ANO2: variants seen among roughly 807,000 people sequenced by gnomAD.
The protein encoded by ANO2 is anoctamin 2, also known as anoctamin-2.
In ANO2, 101 loss-of-function variants were observed where a neutral mutation model predicts 124.2. The ratio of observed to expected loss-of-function variants is 0.81; its 90% CI spans 0.69 to 0.96. The LOEUF (loss-of-function observed/expected upper bound fraction) is 0.96. Among genes scored for constraint, ANO2 ranks in the 40% least tolerant of loss-of-function variants. The probability of loss-of-function intolerance (pLI) is 0.00; values close to 1 mark genes in which losing one functional copy is unlikely to be tolerated. For synonymous variants in ANO2, 486 were observed against 482.5 expected, an observed-to-expected ratio of 1.01 and a Z score of -0.09; for missense variants, 1,293 against 1,274.5, an observed-to-expected ratio of 1.01 and a Z score of -0.22.
intron 16 of ANO2, among the ~76,000 whole-genome samples, chr12:5,624,570 C>T (rs1046773336): frequency 2.0e-5 from 3 of 152,160 alleles, no homozygotes; most frequent in Non-Finnish European, 4.4e-5. Flanking sequence ...CATGTCTTCC[C>T]AGAGGAAAAC....
intron 10 of ANO2, among the ~76,000 whole-genome samples, chr12:5,772,416 C>T (rs1197795947): frequency 2.0e-5 from 3 of 152,196 alleles, no homozygotes; most frequent in Non-Finnish European, 2.9e-5. Flanking sequence ...TCTCTTTCAG[C>T]TTATCTTTTG....
chr12:5,814,894 A>G (rs1158083859), intron 7 of ANO2, among the ~76,000 whole-genome samples: 1 of 152,272 alleles, frequency 6.6e-6, no homozygotes, highest in Non-Finnish European at 1.5e-5. Context: ...AGCTGTGTGT[A>G]TGCCAGTTAA....
intron 20 of ANO2, among the ~76,000 whole-genome samples, chr12:5,591,594 T>C (rs1264264144): frequency 6.6e-6 from 1 of 152,166 alleles, no homozygotes; most frequent in Non-Finnish European, 1.5e-5. Flanking sequence ...AGGTAGAGGA[T>C]TGAGAGAAGG....
chr12:5,627,142 C>G (rs76117218), intron 16 of ANO2, among the ~76,000 whole-genome samples: 4,524 of 151,700 alleles, frequency 0.03, 199 homozygotes, highest in African/African-American at 0.098. Flanking sequence ...TATAACCGTA[C>G]TCACATCGTT....
chr12:5,805,421 G>A (rs1953161243), intron 9 of ANO2, among the ~76,000 whole-genome samples: 1 of 152,066 alleles, frequency 6.6e-6, no homozygotes, highest in Non-Finnish European at 1.5e-5. Context: ...TGAAGAGGTG[G>A]GGCCATTTTC....
At chr12:5,914,371 C>T (rs1490736332) in intron 3 of ANO2, among the ~76,000 whole-genome samples, 1 of 152,128 alleles carries the variant, frequency 6.6e-6, no homozygotes, top group Non-Finnish European at 1.5e-5. Flanking sequence ...GCCAGACCTA[C>T]AGGGTGAGGA....
At chr12:5,617,953 G>A (rs1944914163) in intron 16 of ANO2, among the ~76,000 whole-genome samples, 1 of 152,192 alleles carries the variant, frequency 6.6e-6, no homozygotes, top group African/African-American at 2.4e-5. Flanking sequence ...CCTAAGGCGA[G>A]GATTTAGGAG....
At chr12:5,822,372 C>T (rs1446460486) in intron 7 of ANO2, among the ~76,000 whole-genome samples, 2 of 152,132 alleles carry the variant, frequency 1.3e-5, no homozygotes, top group Non-Finnish European at 2.9e-5. Context: ...AGCGGGTGAC[C>T]TCAGCAGTGG....
chr12:5,854,214 T>A, intron 3 of ANO2, 73 bp from the exon 4 acceptor site: 1 of 1,387,126 alleles, frequency 7.2e-7, no homozygotes, highest in Non-Finnish European at 1.0e-6. Flanking sequence ...TCTTCAACTG[T>A]TCCACACAAG....
chr12:5,606,867 C>T (rs942156067), intron 19 of ANO2, among the ~76,000 whole-genome samples: 3 of 152,020 alleles, frequency 2.0e-5, no homozygotes, highest in Non-Finnish European at 2.9e-5. Context: ...ACTACCTGGC[C>T]TACTAATAAG....
In ANO2 at chr12:5,883,502, G is replaced by GGTGTGTGTGTGTGT. The variant is rs5796191; in HGVS notation, c.535-29375_535-29362dup. 8.0e-3 allele frequency among the ~76,000 whole-genome samples: 1,162 copies of GGTGTGTGTGTGTGT among 144,676 alleles called. 17 individuals carry two copies. Among genetic ancestry groups the GGTGTGTGTGTGTGT allele is most frequent in the African/African-American group, 0.028 (1,097 of 38,534 alleles). 94.9% of individuals were successfully genotyped at this position (144,676 alleles called of 152,430 possible). ...ATGTGTGCGTGTTTGACATTAGGGTGGTGTGTGTGTGTGTGTGTGTGTGTG... is the reference window on the plus strand; with the variant it reads ...ATGTGTGCGTGTTTGACATTAGGGTGGTGTGTGTGTGTGTGTGTGTGTGTGTGTGTGTGTGTGTG... On this transcript the variant is annotated intron_variant, in intron 3 of 24. Transcript: ENST00000682330.
chr12:5,812,321 G>A (rs1183820963), intron 7 of ANO2, among the ~76,000 whole-genome samples: 150 of 114,244 alleles, frequency 1.3e-3, no homozygotes, highest in Middle Eastern at 4.3e-3. Flanking sequence ...GGAAGGAAGG[G>A]AGGGAGGGAG....
intron 20 of ANO2, among the ~76,000 whole-genome samples, chr12:5,596,007 G>C (rs1324697359): frequency 6.6e-6 from 1 of 152,120 alleles, no homozygotes; most frequent in East Asian, 1.9e-4. Flanking sequence ...AAGCAATTTG[G>C]TAAAATGAAT....
At chr12:5,677,553 T>G (rs545803027) in intron 14 of ANO2, among the ~76,000 whole-genome samples, 138 of 152,190 alleles carry the variant, frequency 9.1e-4, no homozygotes, top group Non-Finnish European at 1.4e-3. Flanking sequence ...CTCTGATGAG[T>G]TGGGAAACTT....
intron 1 of ANO2, among the ~76,000 whole-genome samples, chr12:5,943,539 A>T (rs1942979234): frequency 6.6e-6 from 1 of 152,166 alleles, no homozygotes; most frequent in Admixed American, 6.5e-5. Flanking sequence ...AAGGGATAAA[A>T]GATTACATAC....
intron 20 of ANO2, among the ~76,000 whole-genome samples, chr12:5,595,567 C>T (rs1943619256): frequency 6.6e-6 from 1 of 152,052 alleles, no homozygotes; most frequent in African/African-American, 2.4e-5. Context: ...ACTCTGGAGG[C>T]TGTGAAGATG....
At chr12:5,772,562 T>G (rs1952114894) in intron 10 of ANO2, among the ~76,000 whole-genome samples, 1 of 152,240 alleles carries the variant, frequency 6.6e-6, no homozygotes, top group Non-Finnish European at 1.5e-5. Flanking sequence ...TAATCTAAGT[T>G]TTTATATACA....
intron 3 of ANO2, among the ~76,000 whole-genome samples, chr12:5,876,260 C>T (rs933617160): frequency 3.3e-5 from 5 of 152,200 alleles, no homozygotes; most frequent in Admixed American, 3.3e-4. Flanking sequence ...TATTTCTCCA[C>T]ATCTGTCTTA....
At chr12:5,734,970 G>A (rs1040822851) in intron 13 of ANO2, among the ~76,000 whole-genome samples, 1 of 152,144 alleles carries the variant, frequency 6.6e-6, no homozygotes, top group African/African-American at 2.4e-5. Context: ...ACTTTTTAAA[G>A]CAAGCCTAGC....
Sources: gnomAD v4.1 joint callset for allele counts (sites outside exome capture counted in the v4.1 genomes callset) on GRCh38, gnomAD v4.1.1 for gene constraint, MANE v1.5 for transcripts, NCBI Gene and HGNC (gene_info 2026-07-23, HGNC 2026-07-21) for gene names.